MED1: variants seen among roughly 807,000 people sequenced by gnomAD.
MED1 encodes mediator complex subunit 1, also known as mediator of RNA polymerase II transcription subunit 1.
In MED1, 17 loss-of-function variants were observed where a neutral mutation model predicts 121.3. The observed-to-expected ratio is 0.14, with a 90% CI of 0.10 to 0.21. The LOEUF is 0.21. Ranked by LOEUF, MED1 falls within the 10% of genes least tolerant of loss-of-function variation. MED1 has a pLI of 1.00. For synonymous variants in MED1, 661 were observed against 694.4 expected (o/e 0.95, Z 0.76); for missense variants, 1,558 against 1,919.4 (o/e 0.81, Z 3.52).
In MED1 at chr17:39,409,999, G is replaced by A. The variant is rs2048341237; in HGVS notation, c.2222C>T (p.Ala741Val). The change falls in exon 17 of 17, where the codon GCT becomes GTT. Residue 741 changes from alanine to valine, a missense_variant. Coordinates refer to ENST00000300651, the MANE Select transcript of MED1 (RefSeq NM_004774.4). Reference sequence around the variant, plus strand: ...TGGGGGAGTGCTACACTGGCTTGGAGCTGGAGTGATGTGTGGCGTATCCAG... The same window carrying A: ...TGGGGGAGTGCTACACTGGCTTGGAACTGGAGTGATGTGTGGCGTATCCAG... ...DTLDTPHITP[A>V]PSQCSTPPTT... 1.9e-6 allele frequency: 3 copies of A among 1,614,166 alleles called. No individual in the cohort carries two copies. The highest frequency in any genetic ancestry group is 2.5e-6 in the Non-Finnish European group (3 of 1,180,020).
Position 39,407,402 on chromosome 17 carries a change from T to TA in MED1, c.*72dup, listed in dbSNP as rs1199575931. The TA allele has an allele frequency of 6.7e-7, 1 of 1,494,694 alleles. No individual in the cohort carries two copies. The highest frequency in any genetic ancestry group is 1.4e-5 in the African/African-American group (1 of 71,354). The allele number at this position is 1,494,694 out of a possible 1,614,324, so 92.6% of individuals were successfully genotyped here. Reference sequence around the variant, plus strand: ...AATCAGACCTGTCTGACTCACCCCTTATGGTGGTTTGCCTATAAACTTATC... The same window carrying TA: ...AATCAGACCTGTCTGACTCACCCCTTAATGGTGGTTTGCCTATAAACTTATC... On this transcript the variant is annotated 3_prime_UTR_variant, in exon 17 of 17. Transcript: ENST00000300651.
At position 39,439,179 on chromosome 17, in the gene MED1, A is replaced by G; in HGVS notation, c.414T>C (p.Leu138=). The G allele has an allele frequency of 6.3e-7, 1 of 1,594,728 alleles. No homozygotes were observed. The highest frequency in any genetic ancestry group is 8.5e-7 in the Non-Finnish European group (1 of 1,176,048). Residue 138 remains leucine (L), a synonymous_variant, in exon 6 of 17, where the codon CTT becomes CTC. Coordinates refer to ENST00000300651, the MANE Select transcript of MED1 (RefSeq NM_004774.4). ...HGENPVSCPE[L]VQQLREKNFD... ...TATTTGCTCACCTTAGCTGCTGTAC[A>G]AGCTCCGGACAGCTCTGAAATCAAA...
intron 2 of MED1, among the ~76,000 whole-genome samples, chr17:39,446,101 A>T (rs930822281): frequency 4.6e-5 from 7 of 151,866 alleles, no homozygotes; most frequent in Non-Finnish European, 8.8e-5. Context: ...TTGGGAGGCC[A>T]AAGTGGGTGG....
chr17:39,446,306 C>T (rs559920105), intron 2 of MED1, among the ~76,000 whole-genome samples: 8 of 149,934 alleles, frequency 5.3e-5, no homozygotes, highest in Admixed American at 2.0e-4. Flanking sequence ...AAAAGTTAGC[C>T]GGGAATAGTG....
At chr17:39,411,332 C>A (rs2048353665) in intron 16 of MED1, among the ~76,000 whole-genome samples, 1 of 151,760 alleles carries the variant, frequency 6.6e-6, no homozygotes, top group Admixed American at 6.6e-5. Flanking sequence ...AAAAAAATGC[C>A]TCCTTAGGTC....
intron 14 of MED1, among the ~76,000 whole-genome samples, chr17:39,419,037 G>A (rs933279959): frequency 6.6e-6 from 1 of 151,912 alleles, no homozygotes; most frequent in African/African-American, 2.4e-5. Context: ...TGCCCACCTC[G>A]GCCTCCCAAA....
chr17:39,408,790 T>C lies in MED1; in HGVS notation c.3431A>G (p.Lys1144Arg), dbSNP rs2048328309. 2 of 1,614,070 alleles carry C rather than the reference T, an allele frequency of 1.2e-6. No homozygotes were observed. The highest frequency in any genetic ancestry group is 1.1e-5 in the South Asian group (1 of 91,078). ...SQGSSGSSQS[K>R]NSSQSGGKPG... ...CTTCCCCCCAGACTGGGATGAATTT[T>C]TGGACTGGCTAGATCCAGAAGACCC... The change falls in exon 17 of 17, where the codon AAA (lysine) becomes AGA (arginine). Residue 1144 changes from lysine (K) to arginine (R), a missense_variant. By Grantham distance (26) the Lys-to-Arg change is conservative (BLOSUM62 2). Transcript: ENST00000300651. This position sits in a 1 kb window ranked among gnomAD's most constrained non-coding sequence, Gnocchi z 4.7.
In MED1 at chr17:39,405,201, C is replaced by A; in HGVS notation, c.*2274G>T. The A allele has an allele frequency of 6.4e-7, 1 of 1,554,452 alleles. No homozygotes were observed. The highest frequency in any genetic ancestry group is 8.7e-7 in the Non-Finnish European group (1 of 1,148,324). ...CTCAGGCAGGGTGAAGCAGTTTAGC[C>A]CCGGCTCCCTGTTAAGCAAGTTCAG... is the stretch of plus-strand genomic sequence containing the variant. On this transcript the variant is annotated 3_prime_UTR_variant, in exon 17 of 17. Transcript: ENST00000300651.
chr17:39,442,386 A>T (rs2048684910), intron 3 of MED1, among the ~76,000 whole-genome samples: 1 of 151,624 alleles, frequency 6.6e-6, no homozygotes. Flanking sequence ...TCACGAGGTC[A>T]GGAGATCTAT....
chr17:39,415,814 CAAAAAAAAAAAA>C (rs61614470), intron 14 of MED1, among the ~76,000 whole-genome samples: 3 of 40,634 alleles, frequency 7.4e-5, no homozygotes, highest in East Asian at 8.1e-4. Flanking sequence ...GACTCCATCT[CAAAAAAAAAAAA>C]AAAAAAAAAA....
chr17:39,415,129 C>T lies in MED1; in HGVS notation c.1396G>A (p.Val466Ile). The part of the protein sequence containing the change: ...HPVNDSLVCV[V>I]MDVQDSTHVS... Reference sequence around the variant, plus strand: ...TGTGTTGAGTCCTGCACATCCATTACCACTGAAAGACAAAATACATAGGAA... The same window carrying T: ...TGTGTTGAGTCCTGCACATCCATTATCACTGAAAGACAAAATACATAGGAA... The change falls in exon 16 of 17, where the codon GTA becomes ATA. Residue 466 changes from valine (V) to isoleucine (I), a missense_variant and splice_region_variant. Val to Ile is a conservative substitution (Grantham distance 29). This residue lies in a region of MED1 where 50 missense variants were observed against 134.5 expected (regional missense o/e 0.37). Transcript: ENST00000300651. 4 of 1,613,814 alleles carry T rather than the reference C, an allele frequency of 2.5e-6. No homozygotes were observed. The highest frequency in any genetic ancestry group is 1.7e-6 in the Non-Finnish European group (2 of 1,179,724).
In MED1 at chr17:39,407,072, T is replaced by G; in HGVS notation, c.*403A>C. ...AGGAATGTATTGCTTTTTCATTTTC[T>G]GCCCAGCCCTTCATATACATGCACT... On this transcript the variant is annotated 3_prime_UTR_variant, in exon 17 of 17. Transcript: ENST00000300651. The G allele has an allele frequency of 1.0e-6, 1 of 991,164 alleles. No individual in the cohort carries two copies. The allele number at this position is 991,164 out of a possible 1,614,324, so 61.4% of individuals were successfully genotyped here.
chr17:39,427,815 GTATCTT>G (rs747504345), intron 9 of MED1, 25 bp from the exon 10 acceptor site: 1 of 1,376,996 alleles, frequency 7.3e-7, no homozygotes, highest in South Asian at 1.2e-5. Flanking sequence ...ACTCATAACT[GTATCTT>G]TATCAGGTAA....
chr17:39,440,613 G>T lies in MED1; in HGVS notation c.266+10C>A. 6.2e-7 allele frequency: 1 copy of T among 1,612,780 alleles called. No homozygotes were observed. Among genetic ancestry groups the T allele is most frequent in the Admixed American group, 1.7e-5 (1 of 59,898 alleles). On this transcript the variant is annotated intron_variant, in intron 4 of 16. Transcript: ENST00000300651. The surrounding 1 kb of genome is among the most constrained non-coding windows in gnomAD (Gnocchi z 4.1). ...AGTTAAACATTTCTGCCTACAGAAA[G>T]ACTACTTACCCATTCTGTCTTGCTA...
intron 7 of MED1, among the ~76,000 whole-genome samples, chr17:39,432,979 G>T (rs533827105): frequency 6.6e-6 from 1 of 151,754 alleles, no homozygotes; most frequent in Non-Finnish European, 1.5e-5. Context: ...AGGCCATGGC[G>T]GGTGGATCAA....
intron 7 of MED1, among the ~76,000 whole-genome samples, chr17:39,432,514 G>A (rs1395362973): frequency 2.6e-5 from 4 of 151,672 alleles, no homozygotes; most frequent in African/African-American, 4.8e-5. Flanking sequence ...TTGGGAAGCC[G>A]AGGAGGGCAG....
At chr17:39,418,789 ATT>A (rs71147329) in intron 14 of MED1, among the ~76,000 whole-genome samples, 35 of 142,304 alleles carry the variant, frequency 2.5e-4, no homozygotes, top group Non-Finnish European at 4.3e-4. Flanking sequence ...AGCATCTGTG[ATT>A]TTTTTTTTTT....
rs376139683 is a variant in MED1, at chr17:39,410,661, G to A, written c.1560C>T (p.Ala520=). 1.4e-5 allele frequency: 22 copies of A among 1,613,932 alleles called. No individual in the cohort carries two copies. The highest frequency in any genetic ancestry group is 5.3e-5 in the African/African-American group (4 of 74,874). The part of the protein sequence containing the change: ...AIRRKAETIQ[A]DTPALSLIAE... ...CAATGAGGGACAGTGCTGGGGTGTC[G>A]GCTTGAATGGTTTCAGCTTTCCTCC... Residue 520 remains alanine (A), a synonymous_variant, in exon 17 of 17, where the codon GCC becomes GCT. Transcript: ENST00000300651.
chr17:39,443,114 G>A (rs1459386213), intron 3 of MED1, among the ~76,000 whole-genome samples: 1 of 143,438 alleles, frequency 7.0e-6, no homozygotes, highest in African/African-American at 2.6e-5. Context: ...CTGTTCTCCT[G>A]CCTCAGCCTC....
Sources: allele counts gnomAD v4.1 joint callset (sites outside exome capture counted in the v4.1 genomes callset), GRCh38; gene constraint gnomAD v4.1.1; regional missense constraint gnomAD v4.1.1; non-coding constraint Gnocchi (gnomAD v3.1); transcripts MANE v1.5; gene names NCBI Gene and HGNC (gene_info 2026-07-23, HGNC 2026-07-21).